Variants in ZNF816 observed in about 807,000 individuals in gnomAD.
ZNF816 encodes zinc finger protein 816, also known as zinc finger protein 816A.
A neutral mutation model predicts 8.3 loss-of-function variants in ZNF816; 11 were observed. The ratio of observed to expected loss-of-function variants is 1.32; its 90% CI spans 0.83 to 2.19. The LOEUF (loss-of-function observed/expected upper bound fraction) is 2.19, where lower values mean the gene tolerates loss of function less well. Among genes scored for constraint, ZNF816 ranks in the 30% most tolerant of loss-of-function variants. The pLI is 0.00. For synonymous variants in ZNF816, 255 were observed against 254.5 expected (o/e 1.00, Z -0.02); for missense variants, 710 against 779.3 (o/e 0.91, Z 1.06).
intron 1 of ZNF816, among the ~76,000 whole-genome samples, chr19:52,959,378 G>C (rs963457790): frequency 2.0e-5 from 3 of 152,238 alleles, no homozygotes; most frequent in Non-Finnish European, 2.9e-5. Context: ...TAACTGTGTA[G>C]AGGTGTTGGA....
chr19:52,960,242 G>A (rs977128882), intron 1 of ZNF816: 1 of 278,904 alleles, frequency 3.6e-6, no homozygotes, highest in Non-Finnish European at 7.1e-6. Context: ...TTATGAAGCA[G>A]CCCCCTTTGA....
rs1407819154 is a variant in ZNF816, at chr19:52,957,569, T to A, written c.-15-1465A>T. Among the ~76,000 whole-genome samples the A allele has an allele frequency of 6.6e-6, 1 of 152,330 alleles. No individual in the cohort carries two copies. The highest frequency in any genetic ancestry group is 2.1e-4 in the South Asian group (1 of 4,830). On this transcript the variant is annotated intron_variant, in intron 1 of 3. Coordinates refer to ENST00000444460, the MANE Select transcript of ZNF816 (RefSeq NM_001202457.3). The surrounding 1 kb of genome is among the most constrained non-coding windows in gnomAD (Gnocchi z 4.6). ...GGCTCAACTGCCCCCAAGGAGCCCA[T>A]GGTCAAGATGACAGTTAGGGGCAAA...
intron 2 of ZNF816, chr19:52,953,142 TC>T: frequency 2.4e-6 from 1 of 414,562 alleles, no homozygotes; most frequent in Non-Finnish European, 3.9e-6. Flanking sequence ...ATGCCTAAAA[TC>T]CCAGCACTTT....
intron 1 of ZNF816, chr19:52,956,324 C>G: frequency 2.1e-6 from 1 of 483,074 alleles, no homozygotes; most frequent in Admixed American, 3.6e-5. Flanking sequence ...AAAGTCCACA[C>G]ACACGCTGCA....
chr19:52,958,305 C>T (rs2083527712), intron 1 of ZNF816, among the ~76,000 whole-genome samples: 1 of 152,210 alleles, frequency 6.6e-6, no homozygotes, highest in African/African-American at 2.4e-5. Flanking sequence ...TTGCTGCCAG[C>T]TGAGGACAGC....
intron 1 of ZNF816, among the ~76,000 whole-genome samples, chr19:52,960,595 A>T (rs2083547727): frequency 6.6e-6 from 1 of 152,264 alleles, no homozygotes; most frequent in African/African-American, 2.4e-5. Flanking sequence ...TACACAAATG[A>T]TTTCAGCCCA....
chr19:52,950,059 C>T lies in ZNF816; in HGVS notation c.1716G>A (p.Lys572=). The T allele has an allele frequency of 6.2e-7, 1 of 1,613,828 alleles. No homozygotes were observed. The highest frequency in any genetic ancestry group is 1.3e-5 in the African/African-American group (1 of 74,914). ...CAAGGATTCCTTTTTGATTAAAAAC[C>T]TTCGCACATTTATTACACTTGTAAG... ...EKPYKCNKCA[K]VFNQKGILAQ... is the part of the protein sequence containing the mutation. The change falls in exon 4 of 4, where the codon AAG becomes AAA. Residue 572 remains lysine (K), a synonymous_variant. Transcript: ENST00000444460.
chr19:52,955,854 G>C (rs192990746), intron 2 of ZNF816, among the ~76,000 whole-genome samples, 173 bp downstream of exon 2: 1 of 152,162 alleles, frequency 6.6e-6, no homozygotes, highest in African/African-American at 2.4e-5. Context: ...CATGTCACTA[G>C]GTTATAGGAG....
At chr19:52,951,782 C>T in intron 3 of ZNF816, 198 bp from the exon 4 acceptor site, 1 of 548,616 alleles carries the variant, frequency 1.8e-6, no homozygotes, top group Non-Finnish European at 3.0e-6. Context: ...CCTGTAATCC[C>T]AGCTACTCAG....
chr19:52,952,537 G>T, intron 3 of ZNF816: 1 of 805,308 alleles, frequency 1.2e-6, no homozygotes, highest in Non-Finnish European at 1.9e-6. Flanking sequence ...ATTAGTCAAA[G>T]TGTTCGTGAA....
intron 2 of ZNF816, chr19:52,953,465 T>TATA (rs1345559359): frequency 2.2e-5 from 1 of 44,728 alleles, no homozygotes; most frequent in Non-Finnish European, 3.6e-5. Context: ...TATACTTATA[T>TATA]ATATTATATA....
In ZNF816 at chr19:52,951,237, A is replaced by G. The variant is rs745383639; in HGVS notation, c.538T>C (p.Leu180=). ...GAGGAAGCACCGATAGACTTGTCCAATTGGTTACTAATTTTCCCTTTAGTC... is the reference window on the plus strand; with the variant it reads ...GAGGAAGCACCGATAGACTTGTCCAGTTGGTTACTAATTTTCCCTTTAGTC... The part of the protein sequence containing the change: ...FQTKGKISNQ[L]DKSIGASSAS... Residue 180 remains leucine, a synonymous_variant, in exon 4 of 4, where the codon TTG becomes CTG. Coordinates refer to ENST00000444460, the MANE Select transcript of ZNF816 (RefSeq NM_001202457.3). The G allele has an allele frequency of 6.8e-6, 11 of 1,614,010 alleles. No individual in the cohort carries two copies. The East Asian group carries it at 1.8e-4, about 26-fold the overall frequency.
chr19:52,958,079 C>T (rs2083525404), intron 1 of ZNF816, among the ~76,000 whole-genome samples: 1 of 152,164 alleles, frequency 6.6e-6, no homozygotes, highest in Non-Finnish European at 1.5e-5. Context: ...AAAACAGTAC[C>T]TGGTCCCCAG....
chr19:52,951,184 A>C lies in ZNF816; in HGVS notation c.591T>G (p.Cys197Trp). 1 of 1,611,132 alleles carries C rather than the reference A, an allele frequency of 6.2e-7. No homozygotes were observed. Among genetic ancestry groups the C allele is most frequent in the Non-Finnish European group, 8.5e-7 (1 of 1,179,816 alleles). Residue 197 changes from cysteine to tryptophan, a missense_variant, in exon 4 of 4, where the codon TGT (cysteine) becomes TGG (tryptophan). Physicochemically the swap from Cys to Trp is radical, Grantham distance 215. Transcript: ENST00000444460. ...TATTAGAAATATGAGTTTTGAGCCTACAAGAAATTCTTTGGGATTCTGAAG... is the reference window on the plus strand; with the variant it reads ...TATTAGAAATATGAGTTTTGAGCCTCCAAGAAATTCTTTGGGATTCTGAAG... ...SSASESQRIS[C>W]RLKTHISNKY... is the part of the protein sequence containing the mutation.
In ZNF816 at chr19:52,949,598, T is replaced by A. The variant is rs1473406210; in HGVS notation, c.*221A>T. 3 of 802,728 alleles carry A rather than the reference T, an allele frequency of 3.7e-6. No individual in the cohort carries two copies. Among genetic ancestry groups the A allele is most frequent in the Non-Finnish European group, 6.5e-6 (3 of 464,026 alleles). 49.7% of individuals were successfully genotyped at this position (802,728 alleles called of 1,614,324 possible). On this transcript the variant is annotated 3_prime_UTR_variant, in exon 4 of 4. Transcript: ENST00000444460. ...ACACTTGTGAGGTTTCTCTCCTGTA[T>A]GAATTCTATGTTTTGCATAGGATGA...
chr19:52,954,978 T>C (rs375864858), intron 2 of ZNF816, among the ~76,000 whole-genome samples: 7 of 152,236 alleles, frequency 4.6e-5, no homozygotes, highest in African/African-American at 1.7e-4. Flanking sequence ...GGAAAGGGGA[T>C]GCATAAGTGC....
At chr19:52,952,311 A>C (rs1264468402) in intron 3 of ZNF816, among the ~76,000 whole-genome samples, 1 of 151,992 alleles carries the variant, frequency 6.6e-6, no homozygotes, top group East Asian at 1.9e-4. Flanking sequence ...CAGAGGTTGC[A>C]ATAAGATGAG....
chr19:52,956,593 C>G (rs2083512465), intron 1 of ZNF816, among the ~76,000 whole-genome samples: 1 of 152,206 alleles, frequency 6.6e-6, no homozygotes, highest in East Asian at 1.9e-4. Context: ...GCCGATGCAG[C>G]TGGATCCCTT....
intron 1 of ZNF816, chr19:52,959,943 C>G (rs926189718): frequency 6.5e-6 from 1 of 152,938 alleles, no homozygotes; most frequent in Non-Finnish European, 1.5e-5. Context: ...CCTACTTATT[C>G]TAAAGAAGAA....
Sources: gnomAD v4.1 joint callset for allele counts (sites outside exome capture counted in the v4.1 genomes callset) on GRCh38, gnomAD v4.1.1 for gene constraint, Gnocchi (gnomAD v3.1) non-coding constraint, MANE v1.5 for transcripts, NCBI Gene and HGNC (gene_info 2026-07-23, HGNC 2026-07-21) for gene names.